Variants in USP9X observed in about 807,000 individuals in gnomAD.
The protein encoded by USP9X is ubiquitin carboxyl-terminal hydrolase 9X.
USP9X carries 7 observed loss-of-function variants against 190.3 expected under a neutral mutation model. The ratio of observed to expected loss-of-function variants is 0.04; its 90% CI spans 0.02 to 0.07. The LOEUF is 0.07. Ranked by LOEUF, USP9X falls within the 10% of genes least tolerant of loss-of-function variation. USP9X has a pLI of 1.00. For synonymous variants in USP9X, 645 were observed against 659.5 expected (o/e 0.98, Z 0.34); for missense variants, 1,010 against 1,916.9 (o/e 0.53, Z 8.83).
chrX:41,104,170 C>T (rs1265653876), intron 1 of USP9X, among the ~76,000 whole-genome samples: 4 of 111,631 alleles, frequency 3.6e-5, no homozygotes, highest in Non-Finnish European at 1.9e-5. Flanking sequence ...AGGCTTAAGC[C>T]ATCCTCCTGT....
rs2061902270 is a variant in USP9X at position 41,085,546 on chromosome X, A to AG, written c.-719dup. ...CAACCTCTCCGCACCCGGCCCCGTC[A>AG]GGGCCTCTGTCGCGCCTAGCCCCTC... is the stretch of plus-strand genomic sequence containing the variant. On this transcript the variant is annotated 5_prime_UTR_variant, in exon 1 of 45. Transcript: ENST00000378308. The AG allele has an allele frequency of 4.9e-6, 1 of 203,940 alleles. No homozygotes were observed. Among genetic ancestry groups the AG allele is most frequent in the Non-Finnish European group, 8.8e-6 (1 of 113,418 alleles). 16.8% of individuals were successfully genotyped at this position (203,940 alleles called of 1,213,427 possible).
intron 21 of USP9X, among the ~76,000 whole-genome samples, chrX:41,177,254 A>G (rs760795532): frequency 3.6e-5 from 4 of 112,426 alleles, no homozygotes; most frequent in East Asian, 5.5e-4. Context: ...CTTTATAACA[A>G]TGTTTTCTGG....
In USP9X at chrX:41,154,752, G is replaced by T. The variant is rs12559351; in HGVS notation, c.1897+1671G>T. 3.8e-3 allele frequency among the ~76,000 whole-genome samples: 419 copies of T among 111,706 alleles called. 2 individuals are homozygous for T. The highest frequency in any genetic ancestry group is 9.2e-3 in the Middle Eastern group (2 of 217). On this transcript the variant is annotated intron_variant, in intron 14 of 44. Transcript: ENST00000378308. The stretch of plus-strand genomic sequence containing the variant: ...GACTGTGGGCAGGTTATTTATGCTA[G>T]AATAATGTCTGGCACATAGTAAATT...
chrX:41,181,275 T>TC (rs1402674720), intron 21 of USP9X, among the ~76,000 whole-genome samples: 3 of 98,538 alleles, frequency 3.0e-5, no homozygotes, highest in East Asian at 3.2e-4. Flanking sequence ...CTCATTTCTT[T>TC]TTTTTTTTTT....
chrX:41,166,345 A>G (rs1431136907), intron 16 of USP9X, 131 bp downstream of exon 16: 11 of 505,354 alleles, frequency 2.2e-5, no homozygotes, highest in Non-Finnish European at 3.0e-5. Flanking sequence ...GTAGTTAGGA[A>G]TTGTTCATTT....
chrX:41,223,557 C>G (rs1384983199), intron 39 of USP9X, among the ~76,000 whole-genome samples, 155 bp downstream of exon 39: 1 of 111,562 alleles, frequency 9.0e-6, no homozygotes, highest in Non-Finnish European at 1.9e-5. Context: ...CCTGCCTCAG[C>G]CTCCCAAGTA....
At chrX:41,117,686 TC>T (rs1336933165) in intron 1 of USP9X, among the ~76,000 whole-genome samples, 2 of 104,723 alleles carry the variant, frequency 1.9e-5, no homozygotes, top group Non-Finnish European at 3.9e-5. Context: ...CACGCCATTC[TC>T]CTGCCTCAGC....
In USP9X at chrX:41,188,021, A is replaced by G. The variant is rs772204032; in HGVS notation, c.3714A>G (p.Val1238=). The change falls in exon 25 of 45, where the codon GTA becomes GTG. Residue 1238 remains valine, a synonymous_variant. Transcript: ENST00000378308. ...CAAGATATATGCCTGATATTTGTGT[A>G]ATTAGAGCTATACAAAAAATTATCT... ...EASRYMPDIC[V]IRAIQKIIWA... is the part of the protein sequence containing the mutation. The G allele has an allele frequency of 2.5e-6, 3 of 1,208,570 alleles. No homozygotes were observed. Among genetic ancestry groups the G allele is most frequent in the Non-Finnish European group, 3.4e-6 (3 of 893,117 alleles).
intron 36 of USP9X, among the ~76,000 whole-genome samples, chrX:41,217,822 TGAA>T (rs1298090607): frequency 9.0e-6 from 1 of 111,436 alleles, no homozygotes; most frequent in African/African-American, 3.3e-5. Flanking sequence ...CCTGGGAGGT[TGAA>T]GCTGCAGTGA....
At chrX:41,168,901 A>T (rs1011037175) in intron 18 of USP9X, among the ~76,000 whole-genome samples, 1 of 109,913 alleles carries the variant, frequency 9.1e-6, no homozygotes, top group African/African-American at 3.3e-5. Flanking sequence ...CATTTTTTTT[A>T]AAGAGTTTTG....
intron 1 of USP9X, among the ~76,000 whole-genome samples, chrX:41,106,887 C>CTT (rs60809399): frequency 1.1e-3 from 86 of 79,989 alleles, no homozygotes; most frequent in African/African-American, 3.4e-3. Context: ...CTTTTCTTTT[C>CTT]TTTTTTTTTT....
intron 43 of USP9X, 47 bp from the exon 44 acceptor site, chrX:41,230,454 C>T: frequency 9.3e-7 from 1 of 1,078,658 alleles, no homozygotes; most frequent in Non-Finnish European, 1.3e-6. Context: ...TAAAAGTAAA[C>T]TTGAGTTTGC....
At chrX:41,126,781 C>T (rs998935794) in intron 2 of USP9X, among the ~76,000 whole-genome samples, 1 of 111,410 alleles carries the variant, frequency 9.0e-6, no homozygotes, top group African/African-American at 3.3e-5. Flanking sequence ...ACGGTTGTAC[C>T]AAGAAGCAGC....
chrX:41,184,862 G>A, intron 23 of USP9X, 187 bp downstream of exon 23: 1 of 384,941 alleles, frequency 2.6e-6, no homozygotes, highest in East Asian at 4.3e-5. Flanking sequence ...ATAATCTGAG[G>A]GTAGTTTCTC....
At position 41,143,613 on chromosome X, in the gene USP9X, TA is replaced by T. The variant is rs750867429; in HGVS notation, c.1314+175del. 1.8e-3 allele frequency among the ~76,000 whole-genome samples: 199 copies of T among 112,240 alleles called. 1 individual carries two copies. Among genetic ancestry groups the T allele is most frequent in the Admixed American group, 9.9e-3 (104 of 10,540 alleles). On this transcript the variant is annotated intron_variant, in intron 10 of 44. Coordinates refer to ENST00000378308, the MANE Select transcript of USP9X (RefSeq NM_001039591.3). ...CTTTTTGAAATAACCAATAATCTTT[TA>T]AAAATAAAAATATTCTTTTATCTGT...
chrX:41,178,724 G>A (rs1003470531), intron 21 of USP9X, among the ~76,000 whole-genome samples: 10 of 111,118 alleles, frequency 9.0e-5, no homozygotes. Context: ...ATGTAATTTC[G>A]TTTGTCTGTT....
At chrX:41,089,263 C>T (rs941589400) in intron 1 of USP9X, among the ~76,000 whole-genome samples, 1 of 112,214 alleles carries the variant, frequency 8.9e-6, no homozygotes, top group African/African-American at 3.2e-5. Flanking sequence ...TACGATGGGT[C>T]TGAGGTCTGT....
intron 33 of USP9X, among the ~76,000 whole-genome samples, chrX:41,212,957 GT>G (rs758729988): frequency 1.6e-4 from 18 of 111,919 alleles, no homozygotes; most frequent in Non-Finnish European, 3.2e-4. Context: ...TTTTAACCTT[GT>G]TTTTAATTAG....
chrX:41,175,833 G>A (rs763415032), intron 21 of USP9X, among the ~76,000 whole-genome samples: 15 of 104,118 alleles, frequency 1.4e-4, no homozygotes, highest in African/African-American at 4.3e-4. Context: ...GGGGTCACAC[G>A]ACTTCCTCCC....
Sources: allele counts gnomAD v4.1 joint callset (sites outside exome capture counted in the v4.1 genomes callset), GRCh38; gene constraint gnomAD v4.1.1; transcripts MANE v1.5; gene names NCBI Gene and HGNC (gene_info 2026-07-23, HGNC 2026-07-21).